The following ANKS1A variants were observed in gnomAD, a reference collection of about 807,000 sequenced individuals.
The protein encoded by ANKS1A is ankyrin repeat and sterile alpha motif domain containing 1A.
In ANKS1A, 55 loss-of-function variants were observed where a neutral mutation model predicts 120.3. The ratio of observed to expected loss-of-function variants is 0.46; its 90% confidence interval spans 0.37 to 0.57. The LOEUF is 0.57. Among genes scored for constraint, ANKS1A ranks in the 20% least tolerant of loss-of-function variants. The pLI is 0.00. For missense variants in ANKS1A, 1,123 were observed against 1,480.3 expected, an observed-to-expected ratio of 0.76 and a Z score of 3.96; for synonymous variants, 590 against 604.7, an observed-to-expected ratio of 0.98 and a Z score of 0.36.
At chr6:34,943,683 T>C (rs1213103606) in intron 1 of ANKS1A, among the ~76,000 whole-genome samples, 1 of 152,244 alleles carries the variant, frequency 6.6e-6, no homozygotes, top group Non-Finnish European at 1.5e-5. Flanking sequence ...TCATACAGTA[T>C]GGAGCCTTTC....
At chr6:34,993,505 C>G (rs529887553) in intron 9 of ANKS1A, among the ~76,000 whole-genome samples, 52 of 152,344 alleles carry the variant, frequency 3.4e-4, no homozygotes, top group African/African-American at 1.2e-3. Context: ...CACTGAAATT[C>G]AAACTTTCTA....
the ANKS1A span, among the ~76,000 whole-genome samples, chr6:35,096,829 A>AT: frequency 6.6e-6 from 1 of 152,102 alleles, no homozygotes; most frequent in African/African-American, 2.4e-5. Context: ...TCTTATGCAT[A>AT]TTTTTTAACT....
intron 1 of ANKS1A, among the ~76,000 whole-genome samples, chr6:34,958,235 C>T (rs1770463396): frequency 1.3e-5 from 2 of 152,208 alleles, no homozygotes; most frequent in African/African-American, 4.8e-5. Context: ...CAAAGCAACC[C>T]TGGTTTTCCC....
Position 35,084,350 on chromosome 6 carries a change from T to G in ANKS1A, c.3132+92T>G. ...GCAGGGCACAGATGCGGCGCTGTCC[T>G]GGCCCCTGGCCAGTGCCTGGCAAAT... On this transcript the variant is annotated intron_variant, in intron 21 of 23. Transcript: ENST00000360359. The surrounding 1 kb of genome is among the most constrained non-coding windows in gnomAD (Gnocchi z 4.8). 1 of 1,504,212 alleles carries G rather than the reference T, an allele frequency of 6.6e-7. No individual in the cohort carries two copies. The highest frequency in any genetic ancestry group is 8.9e-7 in the Non-Finnish European group (1 of 1,127,354). 93.2% of individuals were successfully genotyped at this position (1,504,212 alleles called of 1,614,324 possible). A position where few individuals can be genotyped will look rare whatever the true frequency, so the allele number is the denominator to read the frequency against.
chr6:34,929,244 T>C (rs1236196200), intron 1 of ANKS1A, among the ~76,000 whole-genome samples: 1 of 152,222 alleles, frequency 6.6e-6, no homozygotes, highest in Non-Finnish European at 1.5e-5. Context: ...GTGGTGGTAG[T>C]AATGGTTTCA....
At chr6:34,923,867 T>A (rs1445060511) in intron 1 of ANKS1A, among the ~76,000 whole-genome samples, 1 of 152,202 alleles carries the variant, frequency 6.6e-6, no homozygotes, top group Non-Finnish European at 1.5e-5. Flanking sequence ...CCGCTCCCCA[T>A]GGCCTCTCAC....
intron 1 of ANKS1A, among the ~76,000 whole-genome samples, chr6:34,926,169 T>C (rs1436872532): frequency 6.6e-6 from 1 of 152,216 alleles, no homozygotes; most frequent in Non-Finnish European, 1.5e-5. Context: ...TGACAAATTA[T>C]AGTAAAGAAG....
intron 1 of ANKS1A, among the ~76,000 whole-genome samples, chr6:34,907,695 A>G (rs1248917154): frequency 6.6e-6 from 1 of 152,206 alleles, no homozygotes; most frequent in Non-Finnish European, 1.5e-5. Flanking sequence ...ATTTCAAAAT[A>G]AAAAGTAAAC....
In ANKS1A at chr6:35,060,244, C is replaced by A. The variant is rs1776432243; in HGVS notation, c.2175C>A (p.Val725=). Residue 725 remains valine, a synonymous_variant, in exon 13 of 24, where the codon GTC becomes GTA. Coordinates refer to ENST00000360359, the MANE Select transcript of ANKS1A (RefSeq NM_015245.3). The surrounding 1 kb of genome is among the most constrained non-coding windows in gnomAD (Gnocchi z 4.5). ...TGCTTCTGAATGGCTTTGACGATGT[C>A]CACTTCCTGGTAAGTGGCTGCAGGC... ...SKLLLNGFDD[V]HFLGSNVMEE... 5 of 1,610,904 alleles carry A rather than the reference C, an allele frequency of 3.1e-6. No homozygotes were observed. The highest frequency in any genetic ancestry group is 4.2e-6 in the Non-Finnish European group (5 of 1,179,158).
At chr6:34,895,780 C>CTTTTTTTTTTTTTTTTTTT (rs995285475) in intron 1 of ANKS1A, among the ~76,000 whole-genome samples, 1 of 90,386 alleles carries the variant, frequency 1.1e-5, no homozygotes, top group Admixed American at 1.4e-4. Context: ...GAATGTCTTT[C>CTTTTTTTTTTTTTTTTTTT]TTTTTTTTTT....
intron 1 of ANKS1A, among the ~76,000 whole-genome samples, chr6:34,895,791 T>C (rs1167596500): frequency 7.0e-6 from 1 of 141,974 alleles, no homozygotes; most frequent in African/African-American, 2.7e-5. Context: ...TTTTTTTTTT[T>C]TTTTTTTTTT....
intron 1 of ANKS1A, among the ~76,000 whole-genome samples, chr6:34,938,809 GA>G (rs761044144): frequency 6.5e-4 from 98 of 151,876 alleles, no homozygotes; most frequent in Non-Finnish European, 5.3e-4. Flanking sequence ...CCAACATGGT[GA>G]AACCCCATCT....
rs1778210945 is a variant in ANKS1A at position 35,089,972 on chromosome 6, C to A, written c.*1363C>A. On this transcript the variant is annotated 3_prime_UTR_variant, in exon 24 of 24. Coordinates refer to ENST00000360359, the MANE Select transcript of ANKS1A (RefSeq NM_015245.3). The stretch of plus-strand genomic sequence containing the variant: ...CCAGCAAAGGCTGTGAATTTGAATT[C>A]TTTGTTGGTATGTATGTGCAGGGAG... 2 of 1,167,376 alleles carry A rather than the reference C, an allele frequency of 1.7e-6. No homozygotes were observed. The highest frequency in any genetic ancestry group is 1.7e-5 in the South Asian group (1 of 58,396). 72.3% of individuals were successfully genotyped at this position (1,167,376 alleles called of 1,614,324 possible).
chr6:35,073,655 A>C (rs553375152), intron 13 of ANKS1A, among the ~76,000 whole-genome samples: 1 of 152,258 alleles, frequency 6.6e-6, no homozygotes. Context: ...TAAAATCCCT[A>C]GGACAATGAA....
intron 13 of ANKS1A, among the ~76,000 whole-genome samples, chr6:35,069,926 C>G (rs545903929): frequency 1.3e-5 from 2 of 149,468 alleles, no homozygotes; most frequent in African/African-American, 4.9e-5. Context: ...ACTTGGGAGG[C>G]TGAGGCAGGA....
At chr6:35,066,072 C>T (rs962402049) in intron 13 of ANKS1A, among the ~76,000 whole-genome samples, 3 of 152,184 alleles carry the variant, frequency 2.0e-5, no homozygotes, top group African/African-American at 7.2e-5. Context: ...CCCTGTGTGA[C>T]TTTCGGCAGG....
intron 11 of ANKS1A, among the ~76,000 whole-genome samples, chr6:35,033,175 A>G (rs1774990726): frequency 1.3e-5 from 2 of 152,218 alleles, no homozygotes; most frequent in Non-Finnish European, 2.9e-5. Context: ...CTTGGCCCCT[A>G]TTATTCCAAA....
At chr6:34,897,192 C>T (rs1767132481) in intron 1 of ANKS1A, among the ~76,000 whole-genome samples, 1 of 151,600 alleles carries the variant, frequency 6.6e-6, no homozygotes, top group Non-Finnish European at 1.5e-5. Flanking sequence ...TTCTTAGTTG[C>T]AAAAATTAGA....
chr6:35,093,752 C>T (rs191917854), downstream of ANKS1A, among the ~76,000 whole-genome samples: 211 of 152,212 alleles, frequency 1.4e-3, no homozygotes, highest in Middle Eastern at 3.4e-3. Context: ...GCCAGAGGAC[C>T]AGGAAAGGGG....
Sources: allele counts gnomAD v4.1 joint callset (sites outside exome capture counted in the v4.1 genomes callset), GRCh38; gene constraint gnomAD v4.1.1; non-coding constraint Gnocchi (gnomAD v3.1); transcripts MANE v1.5; gene names NCBI Gene and HGNC (gene_info 2026-07-23, HGNC 2026-07-21).